The following DERA variants were observed in gnomAD, a reference collection of about 807,000 sequenced individuals.
DERA encodes 2-deoxy-D-ribose 5-phosphate aldolase.
DERA carries 15 observed loss-of-function variants against 41.1 expected under a neutral mutation model. The observed-to-expected ratio is 0.37, with a 90% CI of 0.24 to 0.56. DERA has a LOEUF of 0.56. Among genes scored for constraint, DERA ranks in the 20% least tolerant of loss-of-function variants. The probability of loss-of-function intolerance (pLI) is 0.81; values close to 1 mark genes in which losing one functional copy is unlikely to be tolerated. For synonymous variants in DERA, 139 were observed against 137.4 expected, an observed-to-expected ratio of 1.01 and a Z score of -0.08; for missense variants, 396 against 403.4, an observed-to-expected ratio of 0.98 and a Z score of 0.16.
chr12:15,955,904 T>C (rs1486073788), intron 1 of DERA, among the ~76,000 whole-genome samples: 1 of 152,236 alleles, frequency 6.6e-6, no homozygotes, highest in African/African-American at 2.4e-5. Context: ...CAGTACTCTT[T>C]TAAGGCTCTT....
At chr12:15,971,737 C>T (rs966978209) in intron 5 of DERA, among the ~76,000 whole-genome samples, 15 of 152,020 alleles carry the variant, frequency 9.9e-5, no homozygotes, top group Non-Finnish European at 1.9e-4. Context: ...AGGCTGGTCT[C>T]GAACTCCTGA....
Position 15,983,440 on chromosome 12 carries a change from G to C in DERA, c.637+1004G>C, listed in dbSNP as rs1948745332. Among the ~76,000 whole-genome samples, 1 of 152,074 alleles carries C rather than the reference G, an allele frequency of 6.6e-6. No individual in the cohort carries two copies. Among genetic ancestry groups the C allele is most frequent in the Non-Finnish European group, 1.5e-5 (1 of 68,018 alleles). On this transcript the variant is annotated intron_variant, in intron 6 of 8. Coordinates refer to ENST00000428559, the MANE Select transcript of DERA (RefSeq NM_015954.4). This position sits in a 1 kb window ranked among gnomAD's most constrained non-coding sequence, Gnocchi z 6.2. The stretch of plus-strand genomic sequence containing the variant: ...AGTCTTTGTACGTTCTGTGCCTCCT[G>C]CCCGGAATGCCTTTTGCCCAAATAA...
chr12:15,974,881 G>A (rs993068704), intron 5 of DERA, among the ~76,000 whole-genome samples: 3 of 151,920 alleles, frequency 2.0e-5, no homozygotes, highest in Non-Finnish European at 2.9e-5. Flanking sequence ...TCCTTCCCTC[G>A]CTCCCTTCCT....
Position 15,998,771 on chromosome 12 carries a change from C to A in DERA, c.637+16335C>A, listed in dbSNP as rs1011180021. Among the ~76,000 whole-genome samples the A allele has an allele frequency of 6.6e-6, 1 of 151,952 alleles. No individual in the cohort carries two copies. Among genetic ancestry groups the A allele is most frequent in the Non-Finnish European group, 1.5e-5 (1 of 68,014 alleles). Reference sequence around the variant, plus strand: ...TTCATTGCAATGTGCTTATTTGGACCGCTGAACTTACATCCCCAAAGAAAC... The same window carrying A: ...TTCATTGCAATGTGCTTATTTGGACAGCTGAACTTACATCCCCAAAGAAAC... On this transcript the variant is annotated intron_variant, in intron 6 of 8. Coordinates refer to ENST00000428559, the MANE Select transcript of DERA (RefSeq NM_015954.4). The surrounding 1 kb of genome is among the most constrained non-coding windows in gnomAD (Gnocchi z 4.8).
intron 6 of DERA, among the ~76,000 whole-genome samples, chr12:16,029,217 G>A (rs1282832340): frequency 2.6e-5 from 4 of 152,146 alleles, no homozygotes; most frequent in African/African-American, 7.2e-5. Context: ...GGCGGATCAC[G>A]AGGTCGGGAG....
chr12:15,960,063 G>A, intron 4 of DERA, 139 bp downstream of exon 4: 1 of 609,390 alleles, frequency 1.6e-6, no homozygotes, highest in South Asian at 3.0e-5. Context: ...CATGATTTTA[G>A]TATGTACTAA....
chr12:15,947,776 G>T (rs1338053772), intron 1 of DERA, among the ~76,000 whole-genome samples: 4 of 152,174 alleles, frequency 2.6e-5, no homozygotes, highest in African/African-American at 9.7e-5. Context: ...TATTTTGCTT[G>T]TTAGTTGATG....
chr12:16,002,362 C>T (rs1174607480), intron 6 of DERA, among the ~76,000 whole-genome samples: 2 of 152,040 alleles, frequency 1.3e-5, no homozygotes, highest in African/African-American at 4.8e-5. Context: ...AAATGTGGCT[C>T]TTATGTGTGA....
intron 6 of DERA, among the ~76,000 whole-genome samples, chr12:16,022,850 G>C (rs2136185528): frequency 6.6e-6 from 1 of 152,130 alleles, no homozygotes; most frequent in South Asian, 2.1e-4. Context: ...TCTTTTTTGG[G>C]TTTTACCTCC....
chr12:15,917,893 T>C (rs1348286719), intron 1 of DERA, among the ~76,000 whole-genome samples: 1 of 152,188 alleles, frequency 6.6e-6, no homozygotes, highest in Admixed American at 6.5e-5. Context: ...CTAGGTATGC[T>C]CATTGTGATG....
In DERA at chr12:15,918,748, G is replaced by T. The variant is rs113557617; in HGVS notation, c.31+7334G>T. The stretch of plus-strand genomic sequence containing the variant: ...ATGTTTATGTAAATCACCACATACG[G>T]CATGTTAAAACTGACAACAGGAACG... On this transcript the variant is annotated intron_variant, in intron 1 of 8. Coordinates refer to ENST00000428559, the MANE Select transcript of DERA (RefSeq NM_015954.4). This position sits in a 1 kb window ranked among gnomAD's most constrained non-coding sequence, Gnocchi z 4.3. Among the ~76,000 whole-genome samples, 15 of 152,062 alleles carry T rather than the reference G, an allele frequency of 9.9e-5. No individual in the cohort carries two copies. The highest frequency in any genetic ancestry group is 3.6e-4 in the African/African-American group (15 of 41,392).
chr12:15,915,381 T>A lies in DERA; in HGVS notation c.31+3967T>A, dbSNP rs1264536431. On this transcript the variant is annotated intron_variant, in intron 1 of 8. Coordinates refer to ENST00000428559, the MANE Select transcript of DERA (RefSeq NM_015954.4). The surrounding 1 kb of genome is among the most constrained non-coding windows in gnomAD (Gnocchi z 4.8). ...TAAAGTATAACTTGGGTACAGAATG[T>A]TTCTGATTTGGGTGATGGTGATTTT... Among the ~76,000 whole-genome samples the A allele has an allele frequency of 6.6e-6, 1 of 152,184 alleles. No homozygotes were observed. Among genetic ancestry groups the A allele is most frequent in the Non-Finnish European group, 1.5e-5 (1 of 68,024 alleles).
chr12:15,943,165 T>C lies in DERA; in HGVS notation c.32-13771T>C, dbSNP rs143550706. 1.3e-5 allele frequency among the ~76,000 whole-genome samples: 2 copies of C among 152,238 alleles called. No individual in the cohort carries two copies. Among genetic ancestry groups the C allele is most frequent in the East Asian group, 3.9e-4 (2 of 5,192 alleles). ...AGAGGAAGCTCTTCTTTGAATTTTG[T>C]GCTTTGTGAATCTTACAGATGCTTC... On this transcript the variant is annotated intron_variant, in intron 1 of 8. Coordinates refer to ENST00000428559, the MANE Select transcript of DERA (RefSeq NM_015954.4). The surrounding 1 kb of genome is among the most constrained non-coding windows in gnomAD (Gnocchi z 4.5).
Position 15,989,548 on chromosome 12 carries a change from G to A in DERA, c.637+7112G>A, listed in dbSNP as rs1415364933. 6.6e-6 allele frequency among the ~76,000 whole-genome samples: 1 copy of A among 152,180 alleles called. No homozygotes were observed. Reference sequence around the variant, plus strand: ...TACAGCTGGGTTATTTCAAGGGTCTGTATTTTGAGCTTTTAATTTTTTAGT... The same window carrying A: ...TACAGCTGGGTTATTTCAAGGGTCTATATTTTGAGCTTTTAATTTTTTAGT... On this transcript the variant is annotated intron_variant, in intron 6 of 8. Transcript: ENST00000428559. The surrounding 1 kb of genome is among the most constrained non-coding windows in gnomAD (Gnocchi z 5.2).
At position 15,933,507 on chromosome 12, in the gene DERA, C is replaced by T. The variant is rs554201734; in HGVS notation, c.31+22093C>T. ...GGCAGAAACTTGGCTATAGTTTCTC[C>T]CTTTTTCCAGTCTATCTTATACACC... On this transcript the variant is annotated intron_variant, in intron 1 of 8. Coordinates refer to ENST00000428559, the MANE Select transcript of DERA (RefSeq NM_015954.4). Among the ~76,000 whole-genome samples, 5 of 152,178 alleles carry T rather than the reference C, an allele frequency of 3.3e-5. No homozygotes were observed. The South Asian group carries it at 6.2e-4, about 19-fold the overall frequency.
At chr12:15,979,614 A>G (rs116592852) in intron 5 of DERA, among the ~76,000 whole-genome samples, 2,746 of 152,296 alleles carry the variant, frequency 0.018, 89 homozygotes, top group African/African-American at 0.063. Flanking sequence ...AGATTAAGAT[A>G]TTTTCTCAGA....
chr12:15,985,714 G>A lies in DERA; in HGVS notation c.637+3278G>A, dbSNP rs1948759797. 6.6e-6 allele frequency among the ~76,000 whole-genome samples: 1 copy of A among 151,844 alleles called. No individual in the cohort carries two copies. The highest frequency in any genetic ancestry group is 2.4e-5 in the African/African-American group (1 of 41,346). On this transcript the variant is annotated intron_variant, in intron 6 of 8. Transcript: ENST00000428559. The surrounding 1 kb of genome is among the most constrained non-coding windows in gnomAD (Gnocchi z 4.2). ...ATCCTATTGTTGCTTTATAATTTAA[G>A]ATTTTGTTATCCTCAGAGAGTATCC...
At chr12:16,002,134 C>G (rs1565610874) in intron 6 of DERA, among the ~76,000 whole-genome samples, 1 of 136,266 alleles carries the variant, frequency 7.3e-6, no homozygotes, top group African/African-American at 2.7e-5. Context: ...TCCCTCCCCC[C>G]TCCCCCTTCC....
chr12:15,935,801 C>T lies in DERA; in HGVS notation c.32-21135C>T, dbSNP rs531191841. The stretch of plus-strand genomic sequence containing the variant: ...ACAATAAGCATTTATTATCTCACAA[C>T]ATTTCTCTGGGTCAAAAATTTGAGA... On this transcript the variant is annotated intron_variant, in intron 1 of 8. Transcript: ENST00000428559. The surrounding 1 kb of genome is among the most constrained non-coding windows in gnomAD (Gnocchi z 4.8). Among the ~76,000 whole-genome samples, 7 of 152,262 alleles carry T rather than the reference C, an allele frequency of 4.6e-5. No homozygotes were observed. The South Asian group carries it at 1.4e-3, about 32-fold the overall frequency.
Sources: allele counts gnomAD v4.1 joint callset (sites outside exome capture counted in the v4.1 genomes callset), GRCh38; gene constraint gnomAD v4.1.1; non-coding constraint Gnocchi (gnomAD v3.1); transcripts MANE v1.5; gene names NCBI Gene and HGNC (gene_info 2026-07-23, HGNC 2026-07-21).